Variants in NAE1 observed in about 807,000 individuals in gnomAD.
NAE1 encodes NEDD8 activating enzyme E1 subunit 1.
A neutral mutation model predicts 88.0 loss-of-function variants in NAE1; 59 were observed. That is an observed-to-expected ratio of 0.67 (90% CI 0.54 to 0.83). The LOEUF is 0.83. Ranked by LOEUF, NAE1 falls within the 40% of genes least tolerant of loss-of-function variation. NAE1 has a pLI of 0.00. For missense variants in NAE1, 554 were observed against 632.8 expected (o/e 0.88, Z 1.34); for synonymous variants, 186 against 208.9 (o/e 0.89, Z 0.95).
intron 7 of NAE1, among the ~76,000 whole-genome samples, chr16:66,818,888 T>C (rs1318244852): frequency 6.6e-6 from 1 of 152,108 alleles, no homozygotes; most frequent in Non-Finnish European, 1.5e-5. Flanking sequence ...AGTCTCAAAC[T>C]CCTGGATTCA....
Position 66,813,634 on chromosome 16 carries a change from T to G in NAE1, c.964A>C (p.Asn322His). 6.2e-7 allele frequency: 1 copy of G among 1,614,070 alleles called. No individual in the cohort carries two copies. The highest frequency in any genetic ancestry group is 8.5e-7 in the Non-Finnish European group (1 of 1,179,956). Residue 322 changes from asparagine to histidine, a missense_variant, in exon 13 of 20, where the codon AAT becomes CAT. Physicochemically the swap from Asn to His is moderately conservative, Grantham distance 68. Transcript: ENST00000290810. ...GGAATTGTGCCTCGAACAGGTAAAT[T>G]TCCTTGACCCTCTTTGGCCACAAAT... ...KEFVAKEGQG[N>H]LPVRGTIPDM...
intron 15 of NAE1, among the ~76,000 whole-genome samples, chr16:66,809,464 G>A (rs1424141852): frequency 6.6e-6 from 1 of 152,196 alleles, no homozygotes; most frequent in Non-Finnish European, 1.5e-5. Context: ...TGGATAAGTA[G>A]TCCTAAAGGA....
At chr16:66,828,019 C>A in intron 1 of NAE1, 1 of 1,613,940 alleles carries the variant, frequency 6.2e-7, no homozygotes, top group Non-Finnish European at 8.5e-7. Context: ...ATCCATCTTT[C>A]CACTCCACTG....
intron 16 of NAE1, 93 bp downstream of exon 16, chr16:66,808,895 TC>T (rs1342514769): frequency 8.5e-5 from 65 of 763,128 alleles, no homozygotes; most frequent in Non-Finnish European, 1.2e-4. Context: ...ATCTTTAATA[TC>T]ATCACCATAT....
In NAE1 at chr16:66,827,493, A is replaced by G. The variant is rs56227834; in HGVS notation, c.54-713T>C. On this transcript the variant is annotated intron_variant, in intron 1 of 19. Transcript: ENST00000290810. ...TGAGGCAGAAGAATGGCGTGAACCC[A>G]GGAGGCGGAGCTTGAAGTGAGCCGA... The G allele has an allele frequency of 4.3e-3, 654 of 152,594 alleles. 3 individuals carry two copies. Among genetic ancestry groups the G allele is most frequent in the Middle Eastern group, 0.02 (6 of 304 alleles). The allele number at this position is 152,594 out of a possible 1,614,324, so 9.5% of individuals were successfully genotyped here.
intron 7 of NAE1, 72 bp from the exon 8 acceptor site, chr16:66,818,709 G>C: frequency 1.3e-6 from 2 of 1,483,418 alleles, no homozygotes; most frequent in Non-Finnish European, 8.9e-7. Flanking sequence ...GGGTCTTGCT[G>C]TATTACCCAG....
At chr16:66,818,762 C>T (rs921682969) in intron 7 of NAE1, 125 bp from the exon 8 acceptor site, 4 of 1,307,366 alleles carry the variant, frequency 3.1e-6, no homozygotes, top group Non-Finnish European at 4.0e-6. Context: ...GCTGAAACTC[C>T]TGGGCTGAAG....
chr16:66,810,609 G>C, intron 14 of NAE1, 88 bp downstream of exon 14: 2 of 1,237,858 alleles, frequency 1.6e-6, no homozygotes, highest in Non-Finnish European at 2.3e-6. Flanking sequence ...GAAGCACAGA[G>C]GCAGTGCCAC....
intron 13 of NAE1, 62 bp from the exon 14 acceptor site, chr16:66,810,834 C>A (rs1567489168): frequency 8.1e-7 from 1 of 1,229,266 alleles, no homozygotes; most frequent in Non-Finnish European, 1.1e-6. Flanking sequence ...TAAATTGTTA[C>A]CATGAACAAA....
intron 13 of NAE1, among the ~76,000 whole-genome samples, chr16:66,811,346 C>T (rs775812265): frequency 1.4e-4 from 22 of 151,992 alleles, no homozygotes; most frequent in Non-Finnish European, 2.5e-4. Context: ...TTTGTAGAGA[C>T]GGAGTTTCAC....
chr16:66,818,612 T>C lies in NAE1; in HGVS notation c.537A>G (p.Ala179=). 2 of 1,612,022 alleles carry C rather than the reference T, an allele frequency of 1.2e-6. No homozygotes were observed. The highest frequency in any genetic ancestry group is 1.7e-6 in the Non-Finnish European group (2 of 1,179,410). Residue 179 remains alanine (A), a synonymous_variant, in exon 8 of 20, where the codon GCA becomes GCG. Coordinates refer to ENST00000290810, the MANE Select transcript of NAE1 (RefSeq NM_003905.4). ...HPVIESHPDN[A]LEDLRLDKPF... is the part of the protein sequence containing the mutation. ...GCTTATCTAGTCGTAGATCCTCTAA[T>C]GCATTATCTGGATGAGATTCTATTA...
intron 13 of NAE1, among the ~76,000 whole-genome samples, chr16:66,811,771 C>G (rs1959811643): frequency 6.6e-6 from 1 of 152,322 alleles, no homozygotes; most frequent in East Asian, 1.9e-4. Flanking sequence ...CTGACTACCT[C>G]CCATGTAAGG....
At chr16:66,817,860 ATACGCCT>A (rs1244057481) in intron 8 of NAE1, among the ~76,000 whole-genome samples, 1 of 152,208 alleles carries the variant, frequency 6.6e-6, no homozygotes. Context: ...AAAAATACAT[ATACGCCT>A]TATAGTGTTA....
At chr16:66,823,371 G>T in intron 5 of NAE1, 65 bp from the exon 6 acceptor site, 1 of 1,391,384 alleles carries the variant, frequency 7.2e-7, no homozygotes, top group Non-Finnish European at 1.0e-6. Flanking sequence ...ATTAAACATG[G>T]CAGAGACAGT....
rs144692054 is a variant in NAE1 at position 66,817,431 on chromosome 16, A to G, written c.678T>C (p.Tyr226=). The change falls in exon 9 of 20, where the codon TAT becomes TAC. Residue 226 remains tyrosine (Y), a synonymous_variant. Transcript: ENST00000290810. ...TTTTTAAAAAAGGACATACTTCACT[A>G]TACCACTGTGCTAAATATTTAGCTA... ...VIIAKYLAQW[Y]SETNGRIPKT... 21 of 1,605,382 alleles carry G rather than the reference A, an allele frequency of 1.3e-5. No homozygotes were observed. Among genetic ancestry groups the G allele is most frequent in the Admixed American group, 1.7e-5 (1 of 59,316 alleles).
chr16:66,823,449 A>G (rs1415556421), intron 5 of NAE1, 80 bp downstream of exon 5: 5 of 1,419,868 alleles, frequency 3.5e-6, no homozygotes, highest in Non-Finnish European at 4.8e-6. Context: ...CAAAGATTCA[A>G]AATTCTAAAT....
intron 13 of NAE1, among the ~76,000 whole-genome samples, 191 bp from the exon 14 acceptor site, chr16:66,810,963 G>A (rs912322813): frequency 5.3e-5 from 8 of 152,040 alleles, no homozygotes; most frequent in African/African-American, 1.4e-4. Flanking sequence ...TGTTAGTGAC[G>A]GACTCTCAGT....
chr16:66,830,754 G>A, intron 1 of NAE1, 93 bp downstream of exon 1: 1 of 1,257,600 alleles, frequency 8.0e-7, no homozygotes, highest in Non-Finnish European at 1.1e-6. Context: ...GAAGGCCTGA[G>A]GAAGGCCCGA....
intron 1 of NAE1, chr16:66,828,197 C>T (rs959657324): frequency 1.3e-6 from 1 of 765,050 alleles, no homozygotes; most frequent in South Asian, 1.8e-5. Flanking sequence ...TTTAAGAATA[C>T]TGGTGCATCT....
Sources: gnomAD v4.1 joint callset for allele counts (sites outside exome capture counted in the v4.1 genomes callset) on GRCh38, gnomAD v4.1.1 for gene constraint, MANE v1.5 for transcripts, NCBI Gene and HGNC (gene_info 2026-07-23, HGNC 2026-07-21) for gene names.